DNAJC18: variants seen among roughly 807,000 people sequenced by gnomAD.
DNAJC18 encodes dnaJ homolog subfamily C member 18.
Under a neutral mutation model 48.6 loss-of-function variants are expected in DNAJC18, and 40 were observed. The observed-to-expected ratio is 0.82, with a 90% CI of 0.64 to 1.07. The LOEUF is 1.07. Ranked by LOEUF, DNAJC18 falls within the 50% of genes least tolerant of loss-of-function variation. The pLI is 0.00. For synonymous variants in DNAJC18, 135 were observed against 152.2 expected, an observed-to-expected ratio of 0.89 and a Z score of 0.83; for missense variants, 340 against 427.7, an observed-to-expected ratio of 0.79 and a Z score of 1.81.
At chr5:139,437,652 T>C (rs894328814) in intron 1 of DNAJC18, 94 bp from the exon 2 acceptor site, 13 of 1,446,874 alleles carry the variant, frequency 9.0e-6, no homozygotes, top group East Asian at 2.3e-5. Context: ...CTCGTAAGCA[T>C]GAGAAGGTAA....
chr5:139,425,429 G>A (rs1759220989), intron 4 of DNAJC18, among the ~76,000 whole-genome samples: 1 of 152,192 alleles, frequency 6.6e-6, no homozygotes, highest in South Asian at 2.1e-4. Flanking sequence ...CTCCCAAAGT[G>A]TTGGGATTAC....
chr5:139,437,412 T>A lies in DNAJC18; in HGVS notation c.187A>T (p.Asn63Tyr). 6.2e-7 allele frequency: 1 copy of A among 1,613,924 alleles called. No individual in the cohort carries two copies. The highest frequency in any genetic ancestry group is 1.1e-5 in the South Asian group (1 of 91,028). The change falls in exon 2 of 8, where the codon AAC (asparagine) becomes TAC (tyrosine). Residue 63 changes from asparagine to tyrosine, a missense_variant. Coordinates refer to ENST00000302060, the MANE Select transcript of DNAJC18 (RefSeq NM_152686.4). ...EWTQTRQGEG[N>Y]STYSEEQLLG... is the part of the protein sequence containing the mutation. ...AGCTGTTCCTCACTATACGTGGAGT[T>A]CCCCTCACCCTGCCGGGTCTGAGTC...
At position 139,412,951 on chromosome 5, in the gene DNAJC18, C is replaced by T. The variant is rs1414605865; in HGVS notation, c.*1197G>A. 2.5e-6 allele frequency: 1 copy of T among 398,414 alleles called. No individual in the cohort carries two copies. The highest frequency in any genetic ancestry group is 4.4e-6 in the Non-Finnish European group (1 of 226,070). The allele number at this position is 398,414 out of a possible 1,614,324, so 24.7% of individuals were successfully genotyped here. ...GAATCACCTGAGACATGAGGATGCTCTCCCACTTTCTACTTGACACTCAGC... is the reference window on the plus strand; with the variant it reads ...GAATCACCTGAGACATGAGGATGCTTTCCCACTTTCTACTTGACACTCAGC... On this transcript the variant is annotated 3_prime_UTR_variant, in exon 8 of 8. Coordinates refer to ENST00000302060, the MANE Select transcript of DNAJC18 (RefSeq NM_152686.4).
intron 3 of DNAJC18, among the ~76,000 whole-genome samples, 163 bp downstream of exon 3, chr5:139,428,375 T>C (rs1028724026): frequency 1.3e-5 from 2 of 152,058 alleles, no homozygotes; most frequent in Non-Finnish European, 2.9e-5. Context: ...CCAGCCTAGG[T>C]AAAATCAAGT....
At chr5:139,419,103 T>G in intron 7 of DNAJC18, 1 of 448,640 alleles carries the variant, frequency 2.2e-6, no homozygotes, top group Non-Finnish European at 4.4e-6. Flanking sequence ...TACTCAGTAA[T>G]AAGGCTTTAG....
In DNAJC18 at chr5:139,418,786, A is replaced by T. The variant is rs1260720936; in HGVS notation, c.952+1267T>A. ...CTACTCCTGAGAATCCTCTCTTCAA[A>T]AGACATTTGTTGAGCACTTGTTCTG... is the stretch of plus-strand genomic sequence containing the variant. On this transcript the variant is annotated intron_variant, in intron 7 of 7. Coordinates refer to ENST00000302060, the MANE Select transcript of DNAJC18 (RefSeq NM_152686.4). 2.8e-5 allele frequency: 13 copies of T among 456,152 alleles called. No individual in the cohort carries two copies. The Admixed American group carries it at 3.1e-4, about 11-fold the overall frequency. 28.3% of individuals were successfully genotyped at this position (456,152 alleles called of 1,614,324 possible). A position where few individuals can be genotyped will look rare whatever the true frequency, so the allele number is the denominator to read the frequency against.
intron 2 of DNAJC18, among the ~76,000 whole-genome samples, chr5:139,434,126 A>G (rs1256680897): frequency 3.3e-5 from 5 of 152,126 alleles, no homozygotes; most frequent in Non-Finnish European, 7.4e-5. Flanking sequence ...TCTGAGCCCA[A>G]GTATTCTTCC....
At chr5:139,419,529 G>C (rs975215902) in intron 7 of DNAJC18, among the ~76,000 whole-genome samples, 1 of 152,242 alleles carries the variant, frequency 6.6e-6, no homozygotes, top group Non-Finnish European at 1.5e-5. Context: ...GTTTCAAAAA[G>C]TTAGGCTGGC....
rs1172225369 is a variant in DNAJC18 at position 139,426,374 on chromosome 5, C to A, written c.374-17G>T. The stretch of plus-strand genomic sequence containing the variant: ...TTCCTATTGCTGCAACCAACAAGAA[C>A]CAGCACATGAGGACACAGTCTTTGC... On this transcript the variant is annotated splice_polypyrimidine_tract_variant and intron_variant, in intron 3 of 7. Coordinates refer to ENST00000302060, the MANE Select transcript of DNAJC18 (RefSeq NM_152686.4). 4 of 1,612,910 alleles carry A rather than the reference C, an allele frequency of 2.5e-6. No homozygotes were observed. In the African/African-American group the frequency reaches 5.3e-5, roughly 22 times the overall value.
At chr5:139,434,196 A>G (rs1759374401) in intron 2 of DNAJC18, among the ~76,000 whole-genome samples, 3 of 152,166 alleles carry the variant, frequency 2.0e-5, no homozygotes, top group Admixed American at 6.6e-5. Flanking sequence ...AAATTGTTGC[A>G]AATCTAAAAA....
Position 139,420,179 on chromosome 5 carries a change from G to A in DNAJC18, c.826C>T (p.Pro276Ser). 1 of 1,611,752 alleles carries A rather than the reference G, an allele frequency of 6.2e-7. No individual in the cohort carries two copies. The highest frequency in any genetic ancestry group is 8.5e-7 in the Non-Finnish European group (1 of 1,179,428). The change falls in exon 7 of 8, where the codon CCT becomes TCT. Residue 276 changes from proline to serine, a missense_variant. Physicochemically the swap from Pro to Ser is moderately conservative, Grantham distance 74 (BLOSUM62 -1). Transcript: ENST00000302060. ...TCAAAGTTTTTATCCACAAAGTAAG[G>A]CACCTGCAGGTTCTGAGTTTCTCTA... ...ISRETQNLQV[P>S]YFVDKNFDKA...
In DNAJC18 at chr5:139,426,158, T is replaced by G; in HGVS notation, c.559+14A>C. The G allele has an allele frequency of 3.7e-6, 6 of 1,608,044 alleles. No homozygotes were observed. The highest frequency in any genetic ancestry group is 5.1e-6 in the Non-Finnish European group (6 of 1,178,136). Reference sequence around the variant, plus strand: ...AAGAAATATGTTTAAGAATGATAATTTGGGGAGACTAACCTGTAGGAAAAT... The same window carrying G: ...AAGAAATATGTTTAAGAATGATAATGTGGGGAGACTAACCTGTAGGAAAAT... On this transcript the variant is annotated intron_variant, in intron 4 of 7. Transcript: ENST00000302060.
At chr5:139,430,393 C>T (rs1240245663) in intron 2 of DNAJC18, among the ~76,000 whole-genome samples, 1 of 152,166 alleles carries the variant, frequency 6.6e-6, no homozygotes, top group Admixed American at 6.5e-5. Flanking sequence ...TAGAGATGAG[C>T]TCTGGAGTCA....
chr5:139,414,026 C>A lies in DNAJC18; in HGVS notation c.*122G>T, dbSNP rs1759033806. ...CCCATGCTCCTGCCACTCTGCCCAA[C>A]CAACGAAGTTAGCAAATAGTAAAGT... On this transcript the variant is annotated 3_prime_UTR_variant, in exon 8 of 8. Transcript: ENST00000302060. 1.2e-5 allele frequency: 17 copies of A among 1,429,884 alleles called. No homozygotes were observed. The South Asian group carries it at 2.2e-4, about 19-fold the overall frequency. The allele number at this position is 1,429,884 out of a possible 1,614,324, so 88.6% of individuals were successfully genotyped here.
chr5:139,424,876 GCTTTCCTAAAGCACAT>G (rs1759211231), intron 5 of DNAJC18, 113 bp downstream of exon 5: 3 of 778,180 alleles, frequency 3.9e-6, no homozygotes, highest in East Asian at 2.7e-5. Context: ...CATTGCTTTT[GCTTTCCTAAAGCACAT>G]CTTTCCTAAA....
rs1003066242 is a variant in DNAJC18, at chr5:139,420,108, T to G, written c.897A>C (p.Ile299=). 5 of 1,607,898 alleles carry G rather than the reference T, an allele frequency of 3.1e-6. No homozygotes were observed. The highest frequency in any genetic ancestry group is 1.3e-5 in the African/African-American group (1 of 74,436). Residue 299 remains isoleucine (I), a synonymous_variant, in exon 7 of 8, where the codon ATA becomes ATC. Transcript: ENST00000302060. ...GGATATAATCAATGTAATCCTTCTC[T>G]ATTGTTTTCTCCAAGTCATGCAGAG... is the stretch of plus-strand genomic sequence containing the variant. ...GASLHDLEKT[I]EKDYIDYIQT...
At chr5:139,428,423 C>G in intron 3 of DNAJC18, 115 bp downstream of exon 3, 1 of 1,351,094 alleles carries the variant, frequency 7.4e-7, no homozygotes, top group African/African-American at 1.5e-5. Flanking sequence ...AGAGGTGTGG[C>G]AGGGGGAAAA....
At chr5:139,421,709 G>A (rs369791908) in intron 6 of DNAJC18, among the ~76,000 whole-genome samples, 17 of 152,114 alleles carry the variant, frequency 1.1e-4, no homozygotes, top group African/African-American at 4.1e-4. Flanking sequence ...TCAGGAGGCT[G>A]AGGCACATGA....
intron 7 of DNAJC18, among the ~76,000 whole-genome samples, chr5:139,419,541 C>T (rs962889389): frequency 3.3e-5 from 5 of 152,170 alleles, no homozygotes; most frequent in Non-Finnish European, 5.9e-5. Context: ...TAGGCTGGCT[C>T]GATCAGATTT....
Sources: gnomAD v4.1 joint callset for allele counts (sites outside exome capture counted in the v4.1 genomes callset) on GRCh38, gnomAD v4.1.1 for gene constraint, MANE v1.5 for transcripts, NCBI Gene and HGNC (gene_info 2026-07-23, HGNC 2026-07-21) for gene names.